The following PIP5K1C variants were observed in gnomAD, a reference collection of about 807,000 sequenced individuals.
PIP5K1C encodes the protein phosphatidylinositol-4-phosphate 5-kinase type 1 gamma.
A neutral mutation model predicts 80.1 loss-of-function variants in PIP5K1C; 45 were observed. The observed-to-expected ratio is 0.56, with a 90% CI of 0.44 to 0.72. PIP5K1C has a LOEUF of 0.72. Ranked by LOEUF, PIP5K1C falls within the 30% of genes least tolerant of loss-of-function variation. PIP5K1C has a pLI of 0.00. For synonymous variants in PIP5K1C, 498 were observed against 420.1 expected (o/e 1.19, Z -2.27); for missense variants, 753 against 954.6 (o/e 0.79, Z 2.78).
At chr19:3,634,802 G>A (rs1333732277) in intron 16 of PIP5K1C, among the ~76,000 whole-genome samples, 4 of 152,208 alleles carry the variant, frequency 2.6e-5, no homozygotes, top group African/African-American at 4.8e-5. Context: ...CACCCTGCCC[G>A]ATCCTACAGC....
chr19:3,689,848 C>CACA (rs2035888943), intron 1 of PIP5K1C, among the ~76,000 whole-genome samples: 1 of 152,088 alleles, frequency 6.6e-6, no homozygotes, highest in South Asian at 2.1e-4. Flanking sequence ...CACTCCCCCC[C>CACA]CACACACAGA....
intron 1 of PIP5K1C, among the ~76,000 whole-genome samples, chr19:3,687,811 G>C (rs918776509): frequency 3.9e-5 from 6 of 152,216 alleles, no homozygotes; most frequent in Non-Finnish European, 7.3e-5. Context: ...GCAGGGCATA[G>C]AGTGATCGCT....
At chr19:3,661,736 A>C in intron 4 of PIP5K1C, 135 bp downstream of exon 4, 1 of 997,382 alleles carries the variant, frequency 1.0e-6, no homozygotes, top group Non-Finnish European at 1.5e-6. Flanking sequence ...ACAGAGGGCC[A>C]GAGCTCAAGG....
chr19:3,686,130 G>A (rs1029073932), intron 1 of PIP5K1C, among the ~76,000 whole-genome samples: 8 of 152,152 alleles, frequency 5.3e-5, no homozygotes, highest in Non-Finnish European at 1.2e-4. Flanking sequence ...TGGGATTACA[G>A]GCGTGAGCCA....
chr19:3,663,339 T>C (rs2034901131), intron 3 of PIP5K1C, among the ~76,000 whole-genome samples: 1 of 152,112 alleles, frequency 6.6e-6, no homozygotes, highest in Non-Finnish European at 1.5e-5. Flanking sequence ...AGTTGGGAGT[T>C]GGTTTCTGCC....
intron 16 of PIP5K1C, among the ~76,000 whole-genome samples, chr19:3,634,460 C>T (rs935273954): frequency 1.3e-5 from 2 of 152,220 alleles, no homozygotes; most frequent in African/African-American, 4.8e-5. Flanking sequence ...CGAATTTCCA[C>T]CAGGCCTGGC....
chr19:3,643,681 C>G (rs548995686), intron 12 of PIP5K1C, among the ~76,000 whole-genome samples: 1 of 149,970 alleles, frequency 6.7e-6, no homozygotes, highest in Non-Finnish European at 1.5e-5. Flanking sequence ...CTCCCCACCC[C>G]CCCTCCCTTC....
At chr19:3,643,152 C>A in intron 13 of PIP5K1C, 91 bp downstream of exon 13, 1 of 1,586,184 alleles carries the variant, frequency 6.3e-7, no homozygotes, top group South Asian at 1.1e-5. Context: ...CACCCACATG[C>A]ACAGCGGATG....
intron 1 of PIP5K1C, among the ~76,000 whole-genome samples, chr19:3,680,830 A>G (rs1442959035): frequency 6.6e-6 from 1 of 152,152 alleles, no homozygotes; most frequent in Admixed American, 6.5e-5. Flanking sequence ...GGAGTGACCG[A>G]AATGGAGGTC....
rs1420918298 is a variant in PIP5K1C, at chr19:3,661,917, C to T, written c.304G>A (p.Val102Met). ...ACCACGTAGAAGTCCTGCATGAGCA[C>T]GTCGCGTTCGGGCTTGGAGCTCAGG... is the stretch of plus-strand genomic sequence containing the variant. Reference protein sequence around the residue: ...GHLSSKPERDVLMQDFYVVES... With the variant: ...GHLSSKPERDMLMQDFYVVES... The change falls in exon 4 of 18, where the codon GTG becomes ATG. Residue 102 changes from valine (V) to methionine (M), a missense_variant. Coordinates refer to ENST00000335312, the MANE Select transcript of PIP5K1C (RefSeq NM_012398.3). The T allele has an allele frequency of 6.2e-7, 1 of 1,612,924 alleles. No homozygotes were observed. The highest frequency in any genetic ancestry group is 2.2e-5 in the East Asian group (1 of 44,880).
At chr19:3,693,146 CA>C (rs1207910081) in intron 1 of PIP5K1C, among the ~76,000 whole-genome samples, 1 of 152,164 alleles carries the variant, frequency 6.6e-6, no homozygotes, top group Non-Finnish European at 1.5e-5. Flanking sequence ...CCCAGGCTCC[CA>C]GCACCCGGCC....
intron 1 of PIP5K1C, among the ~76,000 whole-genome samples, chr19:3,691,067 T>C (rs1329034730): frequency 6.6e-6 from 1 of 152,120 alleles, no homozygotes. Flanking sequence ...TCGCCTCTAG[T>C]GGTCTCTGCT....
intron 2 of PIP5K1C, among the ~76,000 whole-genome samples, chr19:3,666,546 C>G (rs1484165743): frequency 6.6e-6 from 1 of 152,192 alleles, no homozygotes; most frequent in Non-Finnish European, 1.5e-5. Context: ...CGCAGGCAAA[C>G]AGGCACACAG....
intron 1 of PIP5K1C, among the ~76,000 whole-genome samples, chr19:3,698,932 C>T (rs1014443553): frequency 7.1e-6 from 1 of 140,858 alleles, no homozygotes; most frequent in Non-Finnish European, 1.6e-5. Flanking sequence ...CCTCCCCGGC[C>T]CCCCACCCCC....
chr19:3,630,951 GCA>G lies in PIP5K1C; in HGVS notation c.*2214_*2215del, dbSNP rs1056219881. 8.5e-5 allele frequency: 13 copies of G among 152,252 alleles called. No individual in the cohort carries two copies. Among genetic ancestry groups the G allele is most frequent in the Admixed American group, 6.5e-4 (10 of 15,288 alleles). 9.4% of individuals were successfully genotyped at this position (152,252 alleles called of 1,614,324 possible). On this transcript the variant is annotated 3_prime_UTR_variant, in exon 18 of 18. Coordinates refer to ENST00000335312, the MANE Select transcript of PIP5K1C (RefSeq NM_012398.3). ...GCCGTCCTCCTGCCCCCGCCCCTCG[GCA>G]CAGTCAGTGGAGCACGTCAGCCTCG...
At chr19:3,669,819 G>A (rs2035142239) in intron 1 of PIP5K1C, 1 of 152,376 alleles carries the variant, frequency 6.6e-6, no homozygotes, top group African/African-American at 2.4e-5. Context: ...CCTGCCGTCT[G>A]AAAACACGTC....
chr19:3,660,982 C>T lies in PIP5K1C; in HGVS notation c.452G>A (p.Arg151Gln). Residue 151 changes from arginine (R) to glutamine (Q), a missense_variant, in exon 5 of 18, where the codon CGG (arginine) becomes CAG (glutamine). By Grantham distance (43) the Arg-to-Gln change is conservative (BLOSUM62 1). Around this residue, in one of 6 missense-constraint regions of PIP5K1C, gnomAD observed 139 missense variants for 289.7 expected, o/e 0.48. Transcript: ENST00000335312. ...FRYFRELFGI[R>Q]PDDYLYSLCN... Reference sequence around the variant, plus strand: ...TATGCTTACCAAGTAATCATCTGGCCGGATCCCAAAGAGCTCCCGGAAGTA... The same window carrying T: ...TATGCTTACCAAGTAATCATCTGGCTGGATCCCAAAGAGCTCCCGGAAGTA... 6 of 1,613,272 alleles carry T rather than the reference C, an allele frequency of 3.7e-6. No individual in the cohort carries two copies. Among genetic ancestry groups the T allele is most frequent in the Non-Finnish European group, 5.1e-6 (6 of 1,179,372 alleles).
intron 1 of PIP5K1C, among the ~76,000 whole-genome samples, chr19:3,673,557 G>T (rs188741729): frequency 1.3e-5 from 2 of 152,330 alleles, no homozygotes; most frequent in Admixed American, 6.5e-5. Flanking sequence ...GCTGCCCAGA[G>T]GGCAACTGCT....
chr19:3,637,557 C>T lies in PIP5K1C; in HGVS notation c.1920+1327G>A. On this transcript the variant is annotated intron_variant, in intron 16 of 17. Coordinates refer to ENST00000335312, the MANE Select transcript of PIP5K1C (RefSeq NM_012398.3). This position sits in a 1 kb window ranked among gnomAD's most constrained non-coding sequence, Gnocchi z 7.0. The stretch of plus-strand genomic sequence containing the variant: ...TTACAGTCCCCGAGGCGCTCAGCGT[C>T]ACGGCCCGCAGTCGGCGATGGCGGG... The T allele has an allele frequency of 6.5e-7, 1 of 1,534,932 alleles. No individual in the cohort carries two copies. Among genetic ancestry groups the T allele is most frequent in the Non-Finnish European group, 8.7e-7 (1 of 1,146,394 alleles).
Sources: gnomAD v4.1 joint callset for allele counts (sites outside exome capture counted in the v4.1 genomes callset) on GRCh38, gnomAD v4.1.1 for gene constraint, gnomAD v4.1.1 regional missense constraint, Gnocchi (gnomAD v3.1) non-coding constraint, MANE v1.5 for transcripts, NCBI Gene and HGNC (gene_info 2026-07-23, HGNC 2026-07-21) for gene names.